Variants in CCT6A observed in about 807,000 individuals in gnomAD.
CCT6A encodes the protein chaperonin containing TCP1 subunit 6A, also known as T-complex protein 1 subunit zeta.
CCT6A carries 6 observed loss-of-function variants against 58.6 expected under a neutral mutation model. The observed-to-expected ratio is 0.10, with a 90% confidence interval of 0.06 to 0.20. The LOEUF is 0.20. Ranked by LOEUF, CCT6A falls within the 10% of genes least tolerant of loss-of-function variation. The pLI, the probability that CCT6A is intolerant of heterozygous loss-of-function variation, is 1.00. For synonymous variants in CCT6A, 245 were observed against 227.8 expected, an observed-to-expected ratio of 1.08 and a Z score of -0.68; for missense variants, 516 against 648.8, an observed-to-expected ratio of 0.80 and a Z score of 2.22.
chr7:56,051,770 AC>A lies in CCT6A; in HGVS notation c.-76del. ...CCAGACGGGCCGACTTTTCCAGAAG[AC>A]CCGGATAGTTCCTCCCGGCCACGCC... On this transcript the variant is annotated 5_prime_UTR_variant, in exon 1 of 14. Transcript: ENST00000275603. 6.6e-7 allele frequency: 1 copy of A among 1,512,684 alleles called. No individual in the cohort carries two copies. The highest frequency in any genetic ancestry group is 8.9e-7 in the Non-Finnish European group (1 of 1,125,122). The allele number at this position is 1,512,684 out of a possible 1,614,324, so 93.7% of individuals were successfully genotyped here. A position where few individuals can be genotyped will look rare whatever the true frequency, so the allele number is the denominator to read the frequency against.
intron 2 of CCT6A, 116 bp downstream of exon 2, chr7:56,052,601 T>G: frequency 1.2e-6 from 1 of 865,180 alleles, no homozygotes; most frequent in Non-Finnish European, 1.9e-6. Context: ...AAGTGGCGTG[T>G]AATCAGTAAT....
chr7:56,054,042 G>A (rs1030715532), intron 2 of CCT6A, among the ~76,000 whole-genome samples: 5 of 151,828 alleles, frequency 3.3e-5, no homozygotes, highest in Admixed American at 3.3e-4. Flanking sequence ...ATTCTCACTA[G>A]AGCTCTACAC....
rs563539033 is a variant in CCT6A at position 56,052,555 on chromosome 7, T to A, written c.201+70T>A. Reference sequence around the variant, plus strand: ...TAGAATGTTTTCTTTGTAGAAAGATTTGCAGTGTCCATTTTCAAGGTAGGA... The same window carrying A: ...TAGAATGTTTTCTTTGTAGAAAGATATGCAGTGTCCATTTTCAAGGTAGGA... On this transcript the variant is annotated intron_variant, in intron 2 of 13. Transcript: ENST00000275603. 5.2e-5 allele frequency: 67 copies of A among 1,289,696 alleles called. No individual in the cohort carries two copies. The South Asian group carries it at 7.6e-4, about 15-fold the overall frequency. 79.9% of individuals were successfully genotyped at this position (1,289,696 alleles called of 1,614,324 possible).
intron 4 of CCT6A, 157 bp downstream of exon 4, chr7:56,055,954 A>G: frequency 1.7e-6 from 1 of 576,408 alleles, no homozygotes; most frequent in Non-Finnish European, 3.0e-6. Context: ...AAAAATGAGG[A>G]AATTAAAATA....
Position 56,054,432 on chromosome 7 carries a change from G to C in CCT6A, c.265G>C (p.Gly89Arg). 6.2e-7 allele frequency: 1 copy of C among 1,612,806 alleles called. No homozygotes were observed. The highest frequency in any genetic ancestry group is 8.5e-7 in the Non-Finnish European group (1 of 1,179,408). ...AGCAACAGCCCAGGATGATATAACTGGTGATGGTACGACTTCTAATGTCCT... is the reference window on the plus strand; with the variant it reads ...AGCAACAGCCCAGGATGATATAACTCGTGATGGTACGACTTCTAATGTCCT... Reference protein sequence around the residue: ...KVATAQDDITGDGTTSNVLII... With the variant: ...KVATAQDDITRDGTTSNVLII... Residue 89 changes from glycine to arginine, a missense_variant, in exon 3 of 14, where the codon GGT becomes CGT. Gly to Arg is a moderately radical substitution (Grantham distance 125). Transcript: ENST00000275603.
chr7:56,052,793 C>CT (rs869050681), intron 2 of CCT6A, among the ~76,000 whole-genome samples: 14 of 64,320 alleles, frequency 2.2e-4, no homozygotes, highest in Non-Finnish European at 5.1e-4. Flanking sequence ...CTTTTCTTTT[C>CT]TTTTTTTTTT....
At chr7:56,056,470 C>T (rs1300878916) in intron 5 of CCT6A, 56 bp downstream of exon 5, 11 of 900,478 alleles carry the variant, frequency 1.2e-5, no homozygotes, top group Non-Finnish European at 7.4e-6. Flanking sequence ...CACCTGTAAT[C>T]CCAGCACTTT....
intron 2 of CCT6A, among the ~76,000 whole-genome samples, chr7:56,054,090 C>T (rs1192946232): frequency 6.6e-6 from 1 of 152,220 alleles, no homozygotes; most frequent in Non-Finnish European, 1.5e-5. Context: ...TTATGTGTTA[C>T]TGTTAACTGG....
At chr7:56,059,668 T>C in intron 9 of CCT6A, 28 bp downstream of exon 9, 1 of 1,048,774 alleles carries the variant, frequency 9.5e-7, no homozygotes, top group South Asian at 1.3e-5. Flanking sequence ...TTAAAGGTAA[T>C]AGAACCTTTT....
Position 56,051,835 on chromosome 7 carries a change from C to T in CCT6A, c.-14C>T, listed in dbSNP as rs767991539. The T allele has an allele frequency of 3.9e-6, 6 of 1,554,320 alleles. No individual in the cohort carries two copies. The East Asian group carries it at 9.8e-5, about 25-fold the overall frequency. On this transcript the variant is annotated 5_prime_UTR_variant, in exon 1 of 14. Transcript: ENST00000275603. ...GCACTCAGCATCGTTTCCTTTTCCT[C>T]CGCTGGAGCAGCTATGGCGGCGGTG...
Position 56,060,798 on chromosome 7 carries a change from A to C in CCT6A, c.1214-9A>C. ...TTCTTAGCATTTTTCCTTTTCCCCC[A>C]TCCAACAGGCTGTGTGGTTCCAGGT... On this transcript the variant is annotated splice_polypyrimidine_tract_variant and intron_variant, in intron 10 of 13. Transcript: ENST00000275603. 1 of 1,599,822 alleles carries C rather than the reference A, an allele frequency of 6.3e-7. No homozygotes were observed. The highest frequency in any genetic ancestry group is 1.1e-5 in the South Asian group (1 of 88,118).
intron 2 of CCT6A, among the ~76,000 whole-genome samples, chr7:56,053,139 C>T (rs560942757): frequency 6.6e-6 from 1 of 152,238 alleles, no homozygotes; most frequent in African/African-American, 2.4e-5. Flanking sequence ...ATCTCTATCT[C>T]CAACTGGAGG....
At chr7:56,058,548 CTAAA>C (rs1562850641) in intron 7 of CCT6A, 27 bp downstream of exon 7, 8 of 1,571,010 alleles carry the variant, frequency 5.1e-6, no homozygotes, top group East Asian at 2.2e-5. Flanking sequence ...AATGTATAAA[CTAAA>C]TAGTACGTAT....
intron 9 of CCT6A, 39 bp from the exon 10 acceptor site, chr7:56,060,230 A>G: frequency 1.3e-6 from 2 of 1,588,986 alleles, no homozygotes; most frequent in Non-Finnish European, 1.7e-6. Context: ...CACTCTGCAC[A>G]AATCCTGTTT....
At chr7:56,052,315 C>T (rs1584542804) in intron 1 of CCT6A, 107 bp from the exon 2 acceptor site, 8 of 946,570 alleles carry the variant, frequency 8.5e-6, no homozygotes, top group South Asian at 5.4e-5. Context: ...ACATAACTAG[C>T]CCCACATCCC....
chr7:56,060,399 A>G lies in CCT6A; in HGVS notation c.1196A>G (p.Lys399Arg), dbSNP rs371562349. ...GTGAGGGACGGCTTGAGGGCTGTCA[A>G]AAATGCTATTGATGATGGTAAGATC... The part of the protein sequence containing the change: ...DAVRDGLRAV[K>R]NAIDDGCVVP... The change falls in exon 10 of 14, where the codon AAA (lysine) becomes AGA (arginine). Residue 399 changes from lysine (K) to arginine (R), a missense_variant. Lys to Arg is a conservative substitution (Grantham distance 26, BLOSUM62 2). Coordinates refer to ENST00000275603, the MANE Select transcript of CCT6A (RefSeq NM_001762.4). 1.2e-6 allele frequency: 2 copies of G among 1,614,122 alleles called. No individual in the cohort carries two copies. Among genetic ancestry groups the G allele is most frequent in the South Asian group, 2.2e-5 (2 of 91,082 alleles).
intron 9 of CCT6A, chr7:56,059,844 C>T (rs1256207427): frequency 4.1e-6 from 2 of 490,308 alleles, no homozygotes; most frequent in Non-Finnish European, 7.2e-6. Context: ...GTGTGTGCTA[C>T]CATGACTGGC....
intron 12 of CCT6A, 156 bp downstream of exon 12, chr7:56,062,005 A>G: frequency 2.0e-6 from 1 of 491,196 alleles, no homozygotes; most frequent in East Asian, 3.6e-5. Flanking sequence ...TTAATAAAAA[A>G]TGGAATGACT....
At chr7:56,052,307 A>T (rs1794135670) in intron 1 of CCT6A, 115 bp from the exon 2 acceptor site, 4 of 898,228 alleles carry the variant, frequency 4.5e-6, no homozygotes, top group Non-Finnish European at 7.3e-6. Context: ...CCTGCTGGAC[A>T]TAACTAGCCC....
Sources: allele counts gnomAD v4.1 joint callset (sites outside exome capture counted in the v4.1 genomes callset), GRCh38; gene constraint gnomAD v4.1.1; transcripts MANE v1.5; gene names NCBI Gene and HGNC (gene_info 2026-07-23, HGNC 2026-07-21).